Variants in EML6 observed in about 807,000 individuals in gnomAD.
EML6 encodes the protein echinoderm microtubule-associated protein-like 6.
EML6 carries 154 observed loss-of-function variants against 240.1 expected under a neutral mutation model. That is an observed-to-expected ratio of 0.64 (90% CI 0.56 to 0.73). The LOEUF (loss-of-function observed/expected upper bound fraction) is 0.73, where lower values mean the gene tolerates loss of function less well. Ranked by LOEUF, EML6 falls within the 30% of genes least tolerant of loss-of-function variation. The probability of loss-of-function intolerance (pLI) is 0.00; values close to 1 mark genes in which losing one functional copy is unlikely to be tolerated. For synonymous variants in EML6, 1,148 were observed against 899.0 expected, an observed-to-expected ratio of 1.28 and a Z score of -4.95; for missense variants, 2,964 against 2,474.6, an observed-to-expected ratio of 1.20 and a Z score of -4.20.
chr2:54,884,439 T>C (rs1672011641), intron 17 of EML6, among the ~76,000 whole-genome samples: 1 of 152,150 alleles, frequency 6.6e-6, no homozygotes. Context: ...GAGCAACTTA[T>C]CTTTTGATCC....
At chr2:54,830,894 T>C (rs1159178207) in intron 7 of EML6, among the ~76,000 whole-genome samples, 3 of 152,194 alleles carry the variant, frequency 2.0e-5, no homozygotes, top group African/African-American at 7.2e-5. Flanking sequence ...TGCATACGTT[T>C]CTGAATACTA....
At position 54,853,809 on chromosome 2, in the gene EML6, T is replaced by C; in HGVS notation, c.1611T>C (p.Asp537=). ...ACAGCTCAGTGCTGGTGTCTGGAGA[T>C]GATTTTGGACTGGTTAAATTGTTTA... ...NYNSSVLVSG[D]DFGLVKLFKF... The change falls in exon 11 of 42, where the codon GAT becomes GAC. Residue 537 remains aspartate (D), a synonymous_variant. Transcript: ENST00000356458. 1.9e-6 allele frequency: 3 copies of C among 1,551,630 alleles called. No individual in the cohort carries two copies. The highest frequency in any genetic ancestry group is 1.2e-5 in the South Asian group (1 of 84,050).
chr2:54,759,174 A>C (rs1667868831), intron 2 of EML6, among the ~76,000 whole-genome samples: 2 of 150,328 alleles, frequency 1.3e-5, no homozygotes, highest in African/African-American at 2.5e-5. Flanking sequence ...TGTTGTGTCT[A>C]GCATGTCTTC....
At chr2:54,947,120 C>G (rs1675732131) in intron 28 of EML6, among the ~76,000 whole-genome samples, 1 of 152,094 alleles carries the variant, frequency 6.6e-6, no homozygotes, top group South Asian at 2.1e-4. Flanking sequence ...TGCCATAGTT[C>G]CAGTGTCCTC....
rs760126563 is a variant in EML6 at position 54,886,462 on chromosome 2, G to A, written c.2439-4592G>A. 1.6e-4 allele frequency among the ~76,000 whole-genome samples: 25 copies of A among 152,116 alleles called. 1 individual carries two copies. The highest frequency in any genetic ancestry group is 5.3e-4 in the African/African-American group (22 of 41,414). ...TGGGATTACAGGTGTGCGCCACCGC[G>A]TCTGGCCTCTTTCTTTCTTCTATTA... On this transcript the variant is annotated intron_variant, in intron 17 of 41. Transcript: ENST00000356458.
At chr2:54,968,340 T>G in intron 40 of EML6, 59 bp downstream of exon 40, 1 of 1,493,488 alleles carries the variant, frequency 6.7e-7, no homozygotes, top group Non-Finnish European at 9.1e-7. Flanking sequence ...CTGCAGGAGA[T>G]AGGGGCCACG....
chr2:54,796,129 C>T (rs761058572), intron 2 of EML6, among the ~76,000 whole-genome samples: 8 of 152,094 alleles, frequency 5.3e-5, no homozygotes, highest in Non-Finnish European at 1.0e-4. Context: ...AAGTATGATA[C>T]AAAATCCGTC....
At chr2:54,965,942 A>C (rs1676728457) in intron 38 of EML6, among the ~76,000 whole-genome samples, 1 of 152,220 alleles carries the variant, frequency 6.6e-6, no homozygotes, top group South Asian at 2.1e-4. Context: ...TAAACCATAA[A>C]CTATAAACTT....
chr2:54,802,618 A>ATACTACTACTACTACTACTACTAC (rs56119525), intron 2 of EML6, among the ~76,000 whole-genome samples: 3 of 139,946 alleles, frequency 2.1e-5, no homozygotes, highest in Non-Finnish European at 3.1e-5. Flanking sequence ...ACCCTGTCTC[A>ATACTACTACTACTACTACTACTAC]TACTACTACT....
chr2:54,948,526 C>T (rs1027838681), intron 28 of EML6, among the ~76,000 whole-genome samples: 4 of 152,228 alleles, frequency 2.6e-5, no homozygotes, highest in Non-Finnish European at 4.4e-5. Flanking sequence ...TGTGGCCTCC[C>T]GCCCCTCATG....
intron 2 of EML6, among the ~76,000 whole-genome samples, chr2:54,799,632 C>T (rs34389776): frequency 1.3e-5 from 2 of 152,076 alleles, no homozygotes; most frequent in Admixed American, 6.5e-5. Flanking sequence ...CGTGAACCAT[C>T]GTGCCCAGCT....
chr2:54,962,124 C>T (rs527937236), intron 35 of EML6, among the ~76,000 whole-genome samples: 23 of 149,300 alleles, frequency 1.5e-4, no homozygotes, highest in African/African-American at 5.4e-4. Flanking sequence ...ACTGTGTCAC[C>T]CAGGCTGGAG....
chr2:54,853,490 G>A (rs563244044), intron 10 of EML6, among the ~76,000 whole-genome samples, 153 bp from the exon 11 acceptor site: 25 of 151,768 alleles, frequency 1.6e-4, no homozygotes, highest in African/African-American at 5.3e-4. Flanking sequence ...TTTAAGCCAC[G>A]CAAAAAAAGA....
At chr2:54,886,066 G>A (rs547511000) in intron 17 of EML6, among the ~76,000 whole-genome samples, 6 of 150,292 alleles carry the variant, frequency 4.0e-5, no homozygotes, top group African/African-American at 1.5e-4. Flanking sequence ...AGAGGGAATA[G>A]CATAATGAAC....
intron 10 of EML6, 91 bp from the exon 11 acceptor site, chr2:54,853,552 C>G: frequency 1.1e-6 from 1 of 871,134 alleles, no homozygotes; most frequent in Middle Eastern, 3.7e-4. Flanking sequence ...TCTGTATTTA[C>G]AAAAGTTTTC....
At chr2:54,795,058 G>C (rs1669685771) in intron 2 of EML6, among the ~76,000 whole-genome samples, 1 of 151,784 alleles carries the variant, frequency 6.6e-6, no homozygotes, top group Non-Finnish European at 1.5e-5. Flanking sequence ...GTGTTTTTTT[G>C]TTTGTTTGTT....
chr2:54,857,454 G>T (rs766001992), intron 11 of EML6, among the ~76,000 whole-genome samples: 1 of 152,214 alleles, frequency 6.6e-6, no homozygotes, highest in African/African-American at 2.4e-5. Flanking sequence ...TTCGTTAAAT[G>T]CTGTCCTACG....
chr2:54,750,613 C>T (rs1300527453), intron 2 of EML6, among the ~76,000 whole-genome samples: 9 of 152,160 alleles, frequency 5.9e-5, no homozygotes, highest in African/African-American at 1.9e-4. Flanking sequence ...TGTTTCTCTC[C>T]GGTCGTTGGC....
At chr2:54,781,357 C>G (rs541330114) in intron 2 of EML6, among the ~76,000 whole-genome samples, 2 of 152,134 alleles carry the variant, frequency 1.3e-5, no homozygotes, top group Admixed American at 6.5e-5. Flanking sequence ...AAAAGTGATT[C>G]AGGTAAGAAG....
Sources: allele counts gnomAD v4.1 joint callset (sites outside exome capture counted in the v4.1 genomes callset), GRCh38; gene constraint gnomAD v4.1.1; transcripts MANE v1.5; gene names NCBI Gene and HGNC (gene_info 2026-07-23, HGNC 2026-07-21).